AP2B1: variants seen among roughly 807,000 people sequenced by gnomAD.
AP2B1 encodes AP-2 complex subunit beta.
A neutral mutation model predicts 102.0 loss-of-function variants in AP2B1; 23 were observed. The ratio of observed to expected loss-of-function variants is 0.23; its 90% CI spans 0.16 to 0.32. The LOEUF is 0.32. Among genes scored for constraint, AP2B1 ranks in the 10% least tolerant of loss-of-function variants. AP2B1 has a pLI of 1.00. For synonymous variants in AP2B1, 381 were observed against 421.2 expected (o/e 0.90, Z 1.17); for missense variants, 541 against 1,157.4 (o/e 0.47, Z 7.73).
chr17:35,635,997 ATT>A (rs5820123), intron 9 of AP2B1, among the ~76,000 whole-genome samples: 1 of 148,090 alleles, frequency 6.8e-6, no homozygotes. Flanking sequence ...CCTTGGTAGT[ATT>A]TTTTTTTTTT....
At chr17:35,634,912 C>T (rs571122285) in intron 9 of AP2B1, among the ~76,000 whole-genome samples, 20 of 152,334 alleles carry the variant, frequency 1.3e-4, no homozygotes, top group Non-Finnish European at 1.2e-4. Flanking sequence ...CTTATTCTTT[C>T]CTCCTACGAT....
chr17:35,637,573 C>T (rs890607045), intron 10 of AP2B1, among the ~76,000 whole-genome samples: 6 of 151,996 alleles, frequency 3.9e-5, no homozygotes, highest in Non-Finnish European at 7.4e-5. Flanking sequence ...TATATTTTGG[C>T]AAGGTAGTGG....
intron 18 of AP2B1, among the ~76,000 whole-genome samples, chr17:35,706,506 A>T (rs1380998326): frequency 6.6e-6 from 1 of 152,194 alleles, no homozygotes; most frequent in Non-Finnish European, 1.5e-5. Flanking sequence ...GATGATTCTG[A>T]TACAGGTCTT....
At chr17:35,610,114 C>T (rs1195724617) in intron 5 of AP2B1, among the ~76,000 whole-genome samples, 1 of 151,078 alleles carries the variant, frequency 6.6e-6, no homozygotes, top group Admixed American at 6.6e-5. Context: ...CTTTTATTTC[C>T]CCTAAGTAAC....
intron 18 of AP2B1, among the ~76,000 whole-genome samples, chr17:35,696,667 G>A (rs2076148172): frequency 6.6e-6 from 1 of 152,022 alleles, no homozygotes. Flanking sequence ...GGGATTACAG[G>A]CCTGAGCCAC....
chr17:35,660,927 G>A (rs2075345152), intron 14 of AP2B1, among the ~76,000 whole-genome samples: 2 of 152,170 alleles, frequency 1.3e-5, no homozygotes, highest in Admixed American at 1.3e-4. Context: ...AGTGTAGCTA[G>A]GAGTGGTAGA....
Position 35,603,188 on chromosome 17 carries a change from A to G in AP2B1, c.144-2517A>G, listed in dbSNP as rs187664501. 1.1e-4 allele frequency among the ~76,000 whole-genome samples: 17 copies of G among 152,240 alleles called. No homozygotes were observed. In the East Asian group the frequency reaches 3.1e-3, roughly 28 times the overall value. ...CATTGTATATACCCTGTGACCAGCT[A>G]TTTCATTCCCTTTTTTCCCCTTATT... is the stretch of plus-strand genomic sequence containing the variant. On this transcript the variant is annotated intron_variant, in intron 3 of 21. Transcript: ENST00000610402.
intron 18 of AP2B1, among the ~76,000 whole-genome samples, chr17:35,694,989 A>G (rs1223865028): frequency 6.6e-6 from 1 of 152,166 alleles, no homozygotes; most frequent in Non-Finnish European, 1.5e-5. Context: ...ATTAACATAA[A>G]CAATATTCGA....
At position 35,670,874 on chromosome 17, in the gene AP2B1, C is replaced by T. The variant is rs1178211584; in HGVS notation, c.2007C>T (p.Gly669=). 1.1e-5 allele frequency: 17 copies of T among 1,613,780 alleles called. No individual in the cohort carries two copies. Among genetic ancestry groups the T allele is most frequent in the African/African-American group, 2.7e-5 (2 of 74,848 alleles). Residue 669 remains glycine (G), a synonymous_variant, in exon 15 of 22, where the codon GGC becomes GGT. Transcript: ENST00000610402. ...GLDSLLGSDL[G]GGIGGSPAVG... ...TCTTTCAGCTTGGCAGTGACCTTGG[C>T]GGGGGCATTGGAGGAAGTCCGGCAG... is the stretch of plus-strand genomic sequence containing the variant.
chr17:35,710,304 A>G lies in AP2B1; in HGVS notation c.2610A>G (p.Glu870=). Residue 870 remains glutamate, a synonymous_variant, in exon 20 of 22, where the codon GAA becomes GAG. Transcript: ENST00000610402. ...NENELQFQIK[E]CHLNADTVSS... ...ATGAACTTCAGTTTCAGATTAAGGAATGTCATTTAAATGCTGGTGAGTAAT... is the reference window on the plus strand; with the variant it reads ...ATGAACTTCAGTTTCAGATTAAGGAGTGTCATTTAAATGCTGGTGAGTAAT... 1 of 1,608,912 alleles carries G rather than the reference A, an allele frequency of 6.2e-7. No individual in the cohort carries two copies.
chr17:35,603,945 C>T (rs576853404), intron 3 of AP2B1, among the ~76,000 whole-genome samples: 29 of 152,158 alleles, frequency 1.9e-4, no homozygotes, highest in African/African-American at 7.0e-4. Flanking sequence ...AATTGAGCCT[C>T]GTTACATGCC....
intron 10 of AP2B1, among the ~76,000 whole-genome samples, chr17:35,638,879 T>C (rs564401945): frequency 6.6e-6 from 1 of 152,058 alleles, no homozygotes; most frequent in African/African-American, 2.4e-5. Context: ...GTCTGGACAC[T>C]GTTGTTGTCT....
intron 3 of AP2B1, among the ~76,000 whole-genome samples, chr17:35,601,452 C>T (rs2073478487): frequency 6.6e-6 from 1 of 152,204 alleles, no homozygotes; most frequent in Admixed American, 6.5e-5. Flanking sequence ...GCCTCAGCCT[C>T]CTGAGTAGCT....
At chr17:35,707,826 C>T (rs2076375358) in intron 18 of AP2B1, among the ~76,000 whole-genome samples, 1 of 152,228 alleles carries the variant, frequency 6.6e-6, no homozygotes, top group African/African-American at 2.4e-5. Context: ...TCCCCAGATT[C>T]AAGCTTTTTG....
chr17:35,708,146 T>C (rs1214224999), intron 18 of AP2B1, among the ~76,000 whole-genome samples: 1 of 152,216 alleles, frequency 6.6e-6, no homozygotes, highest in Non-Finnish European at 1.5e-5. Context: ...GTGAGAATAG[T>C]GTACTAGATA....
chr17:35,723,402 A>G (rs899721990), intron 21 of AP2B1, among the ~76,000 whole-genome samples: 11 of 152,212 alleles, frequency 7.2e-5, no homozygotes, highest in Admixed American at 6.5e-5. Context: ...AATCTTATAG[A>G]CCCACATGGA....
intron 5 of AP2B1, among the ~76,000 whole-genome samples, chr17:35,623,097 ATTTT>A (rs11397695): frequency 6.8e-6 from 1 of 146,426 alleles, no homozygotes; most frequent in Admixed American, 6.8e-5. Context: ...GTATGTATGC[ATTTT>A]TTTTTTTTTT....
chr17:35,650,958 CA>C (rs2075071751), intron 13 of AP2B1, 169 bp downstream of exon 13: 1 of 691,070 alleles, frequency 1.4e-6, no homozygotes, highest in African/African-American at 1.8e-5. Context: ...TACTACTATA[CA>C]ACCCCAGGGA....
chr17:35,680,687 T>G lies in AP2B1; in HGVS notation c.2325-2008T>G, dbSNP rs1474510769. 8.1e-5 allele frequency among the ~76,000 whole-genome samples: 4 copies of G among 49,662 alleles called. No homozygotes were observed. The South Asian group carries it at 1.4e-3, about 17-fold the overall frequency. The allele number at this position is 49,662 out of a possible 152,430, so 32.6% of individuals were successfully genotyped here. ...CACCATGCCCAGTCTATGGTTTTGG[T>G]TTTTTTTTTTTTGTTTTTTTTTTTT... On this transcript the variant is annotated intron_variant, in intron 17 of 21. Coordinates refer to ENST00000610402, the MANE Select transcript of AP2B1 (RefSeq NM_001030006.2).
Sources: gnomAD v4.1 joint callset for allele counts (sites outside exome capture counted in the v4.1 genomes callset) on GRCh38, gnomAD v4.1.1 for gene constraint, MANE v1.5 for transcripts, NCBI Gene and HGNC (gene_info 2026-07-23, HGNC 2026-07-21) for gene names.